Variants in MYH11 observed in about 807,000 individuals in gnomAD.
MYH11 encodes the protein myosin heavy chain 11, also known as myosin-11.
A neutral mutation model predicts 246.6 loss-of-function variants in MYH11; 80 were observed. The observed-to-expected ratio is 0.32, with a 90% confidence interval of 0.27 to 0.39. The LOEUF (loss-of-function observed/expected upper bound fraction) is 0.39. Ranked by LOEUF, MYH11 falls within the 10% of genes least tolerant of loss-of-function variation. The probability of loss-of-function intolerance (pLI) is 1.00; values close to 1 mark genes in which losing one functional copy is unlikely to be tolerated. For missense variants in MYH11, 2,158 were observed against 2,546.8 expected, an observed-to-expected ratio of 0.85 and a Z score of 3.29; for synonymous variants, 1,071 against 1,015.5, an observed-to-expected ratio of 1.05 and a Z score of -1.04.
At position 15,854,985 on chromosome 16, in the gene MYH11, G is replaced by A. The variant is rs560510999; in HGVS notation, c.-18+1956C>T. Among the ~76,000 whole-genome samples, 9 of 152,268 alleles carry A rather than the reference G, an allele frequency of 5.9e-5. No individual in the cohort carries two copies. In the South Asian group the frequency reaches 8.3e-4, roughly 14 times the overall value. On this transcript the variant is annotated intron_variant, in intron 1 of 40. Transcript: ENST00000300036. ...CAAATCCCCAGGGCCAGGACCAACC[G>A]GGCTGCGGTGCAAGGCTGGGTAACT...
chr16:15,826,729 C>A (rs748823133), intron 2 of MYH11, among the ~76,000 whole-genome samples: 33 of 152,092 alleles, frequency 2.2e-4, no homozygotes, highest in Non-Finnish European at 3.8e-4. Flanking sequence ...CAGTGGTTCA[C>A]ACCTATGATC....
intron 10 of MYH11, 55 bp downstream of exon 10, chr16:15,763,741 T>TGGGGGGGGCCCCCCCCCCCC: frequency 3.1e-6 from 2 of 646,856 alleles, no homozygotes; most frequent in East Asian, 3.2e-5. Context: ...AAATGTCACC[T>TGGGGGGGGCCCCCCCCCCCC]CCCCCACCCC....
chr16:15,786,883 C>T (rs936634792), intron 4 of MYH11, 151 bp from the exon 5 acceptor site: 2 of 776,740 alleles, frequency 2.6e-6, no homozygotes, highest in Admixed American at 4.0e-5. Context: ...CCCAAGGCCA[C>T]ATCTCTGGTA....
intron 2 of MYH11, 130 bp from the exon 3 acceptor site, chr16:15,823,541 CACTG>C: frequency 2.6e-6 from 3 of 1,144,006 alleles, no homozygotes; most frequent in Non-Finnish European, 3.9e-6. Context: ...CCCTGGGCCT[CACTG>C]ATATTCCAGG....
intron 4 of MYH11, among the ~76,000 whole-genome samples, chr16:15,796,466 C>A (rs1165855768): frequency 1.3e-5 from 2 of 152,148 alleles, no homozygotes; most frequent in Admixed American, 6.6e-5. Context: ...CTACTCTTTC[C>A]TGCACCTCTC....
intron 3 of MYH11, among the ~76,000 whole-genome samples, chr16:15,799,498 CAG>C (rs2042830984): frequency 6.6e-6 from 1 of 152,176 alleles, no homozygotes; most frequent in African/African-American, 2.4e-5. Context: ...TACTAGATGA[CAG>C]AGTCAGTCTC....
chr16:15,769,003 T>C (rs1301314245), intron 9 of MYH11, among the ~76,000 whole-genome samples: 1 of 148,312 alleles, frequency 6.7e-6, no homozygotes, highest in African/African-American at 2.5e-5. Flanking sequence ...CCTCCAAAAA[T>C]CAAACCAAAA....
At chr16:15,762,949 A>C (rs1001494098) in intron 10 of MYH11, among the ~76,000 whole-genome samples, 5 of 152,196 alleles carry the variant, frequency 3.3e-5, no homozygotes, top group Admixed American at 3.3e-4. Context: ...TTTTGCTCTC[A>C]GCTCAGCCAC....
intron 2 of MYH11, among the ~76,000 whole-genome samples, chr16:15,827,457 C>A (rs1001654157): frequency 2.6e-5 from 4 of 152,060 alleles, no homozygotes; most frequent in Admixed American, 6.5e-5. Flanking sequence ...TCCATCGGAC[C>A]GAAATGGAGA....
rs142416820 is a variant in MYH11, at chr16:15,722,802, G to A, written c.4366-1168C>T. Among the ~76,000 whole-genome samples the A allele has an allele frequency of 3.0e-3, 452 of 152,262 alleles. 5 individuals are homozygous for A. Among genetic ancestry groups the A allele is most frequent in the African/African-American group, 0.01 (418 of 41,548 alleles). On this transcript the variant is annotated intron_variant, in intron 31 of 40. Transcript: ENST00000300036. The stretch of plus-strand genomic sequence containing the variant: ...ATCACTCAGGCTGGGGTGTAGTGGC[G>A]CAATCTTGGCTCACTGCAACCTCCA...
intron 5 of MYH11, chr16:15,786,160 A>G (rs2042462844): frequency 3.0e-6 from 1 of 328,228 alleles, no homozygotes; most frequent in African/African-American, 2.2e-5. Context: ...ATCAAGGGCA[A>G]CTGTCCCACC....
chr16:15,793,615 C>CTTTTTTTTT (rs572455483), intron 4 of MYH11, among the ~76,000 whole-genome samples: 9 of 93,816 alleles, frequency 9.6e-5, no homozygotes, highest in East Asian at 2.6e-4. Flanking sequence ...CTTTTCTTTT[C>CTTTTTTTTT]TTTTTTTTTT....
intron 2 of MYH11, among the ~76,000 whole-genome samples, chr16:15,834,164 A>T (rs2043827769): frequency 1.3e-5 from 2 of 151,994 alleles, no homozygotes; most frequent in Non-Finnish European, 2.9e-5. Flanking sequence ...TACGTCTTAG[A>T]TGAAAGACCT....
At chr16:15,765,991 T>C (rs1209165690) in intron 9 of MYH11, among the ~76,000 whole-genome samples, 3 of 152,146 alleles carry the variant, frequency 2.0e-5, no homozygotes, top group Non-Finnish European at 4.4e-5. Flanking sequence ...TAATTCTCTA[T>C]TGTGGGGAGC....
Position 15,721,457 on chromosome 16 carries a change from C to T in MYH11, c.4543G>A (p.Asp1515Asn), listed in dbSNP as rs200909802. The change falls in exon 32 of 41, where the codon GAC (aspartate) becomes AAC (asparagine). Residue 1515 changes from aspartate (D) to asparagine (N), a missense_variant. By Grantham distance (23) the Asp-to-Asn change is conservative. This residue lies in a region of MYH11 where 1,013 missense variants were observed against 993.5 expected (regional missense o/e 1.02). Coordinates refer to ENST00000300036, the MANE Select transcript of MYH11 (RefSeq NM_002474.3). ...TNKMLKAEME[D>N]LVSSKDDVGK... is the part of the protein sequence containing the mutation. ...ACGTCATCCTTGGAGCTGACCAGGTCTTCCATTTCGGCTTTGAGCATTTTG... is the reference window on the plus strand; with the variant it reads ...ACGTCATCCTTGGAGCTGACCAGGTTTTCCATTTCGGCTTTGAGCATTTTG... 21 of 1,614,224 alleles carry T rather than the reference C, an allele frequency of 1.3e-5. No homozygotes were observed. Among genetic ancestry groups the T allele is most frequent in the Non-Finnish European group, 1.8e-5 (21 of 1,180,044 alleles).
chr16:15,707,841 G>A (rs138683244), intron 40 of MYH11, among the ~76,000 whole-genome samples: 4 of 151,970 alleles, frequency 2.6e-5, no homozygotes, highest in African/African-American at 7.3e-5. Flanking sequence ...GCGAGGTGGC[G>A]GGAGCCTGTA....
chr16:15,732,458 T>C (rs778775817), intron 27 of MYH11, 106 bp downstream of exon 27: 97 of 1,480,742 alleles, frequency 6.6e-5, no homozygotes, highest in Non-Finnish European at 8.6e-5. Context: ...TAGAATCTTA[T>C]GTAACTTGTT....
chr16:15,783,746 G>A (rs1405638000), intron 5 of MYH11, among the ~76,000 whole-genome samples: 1 of 152,150 alleles, frequency 6.6e-6, no homozygotes, highest in Non-Finnish European at 1.5e-5. Flanking sequence ...AGGTAAGGTT[G>A]AAAAGTCTTG....
chr16:15,784,891 G>T, intron 5 of MYH11: 1 of 690,716 alleles, frequency 1.4e-6, no homozygotes, highest in Admixed American at 2.4e-5. Context: ...TTAGCTGCAG[G>T]AATACGATCA....
Sources: gnomAD v4.1 joint callset for allele counts (sites outside exome capture counted in the v4.1 genomes callset) on GRCh38, gnomAD v4.1.1 for gene constraint, gnomAD v4.1.1 regional missense constraint, MANE v1.5 for transcripts, NCBI Gene and HGNC (gene_info 2026-07-23, HGNC 2026-07-21) for gene names.